The following KMT5B variants were observed in gnomAD, a reference collection of about 807,000 sequenced individuals.
KMT5B encodes the protein lysine methyltransferase 5B, also known as histone-lysine N-methyltransferase KMT5B.
Under a neutral mutation model 83.2 loss-of-function variants are expected in KMT5B, and 10 were observed. That is an observed-to-expected ratio of 0.12 (90% CI 0.07 to 0.20). KMT5B has a LOEUF of 0.20. KMT5B is among the 10% of genes least tolerant of loss of function. The pLI, the probability that KMT5B is intolerant of heterozygous loss-of-function variation, is 1.00. For missense variants in KMT5B, 753 were observed against 1,067.2 expected (o/e 0.71, Z 4.10); for synonymous variants, 349 against 388.8 (o/e 0.90, Z 1.20).
rs927570046 is a variant in KMT5B, at chr11:68,154,989, T to C, written c.*2699A>G. The C allele has an allele frequency of 3.9e-5, 6 of 152,234 alleles. No individual in the cohort carries two copies. The highest frequency in any genetic ancestry group is 7.3e-5 in the Non-Finnish European group (5 of 68,040). 9.4% of individuals were successfully genotyped at this position (152,234 alleles called of 1,614,324 possible). On this transcript the variant is annotated 3_prime_UTR_variant, in exon 11 of 11. Coordinates refer to ENST00000304363, the MANE Select transcript of KMT5B (RefSeq NM_017635.5). Reference sequence around the variant, plus strand: ...TACCTCAAATGCTGAAAAAGTCCTTTTTCATTCTTTCAGTACAAGGAATAC... The same window carrying C: ...TACCTCAAATGCTGAAAAAGTCCTTCTTCATTCTTTCAGTACAAGGAATAC...
intron 9 of KMT5B, among the ~76,000 whole-genome samples, chr11:68,170,502 A>G (rs1855740356): frequency 6.6e-6 from 1 of 152,188 alleles, no homozygotes; most frequent in Non-Finnish European, 1.5e-5. Context: ...GGTCCTGCCA[A>G]TGAAGATCTG....
intron 3 of KMT5B, 51 bp from the exon 4 acceptor site, chr11:68,180,251 C>T (rs375226211): frequency 9.8e-5 from 150 of 1,527,078 alleles, no homozygotes; most frequent in Non-Finnish European, 1.2e-4. Context: ...TTTGTATAAT[C>T]TGTACTTGTA....
At chr11:68,185,256 A>G (rs1377739776) in intron 3 of KMT5B, among the ~76,000 whole-genome samples, 1 of 152,028 alleles carries the variant, frequency 6.6e-6, no homozygotes, top group Non-Finnish European at 1.5e-5. Flanking sequence ...CCCAGACTGG[A>G]GTGCAATGGC....
intron 1 of KMT5B, among the ~76,000 whole-genome samples, chr11:68,191,992 G>C (rs927852897): frequency 6.6e-6 from 1 of 152,080 alleles, no homozygotes; most frequent in Non-Finnish European, 1.5e-5. Flanking sequence ...TATATGTTTA[G>C]ATAACAAATA....
chr11:68,171,498 AG>A lies in KMT5B; in HGVS notation c.820+44del, dbSNP rs765967544. On this transcript the variant is annotated intron_variant, in intron 7 of 10. Transcript: ENST00000304363. The surrounding 1 kb of genome is among the most constrained non-coding windows in gnomAD (Gnocchi z 5.1). ...TGACAAGGCCATTCTAGCAGTTAGCAGGAATGGCCAACACTAGCGCCAACAC... is the reference window on the plus strand; with the variant it reads ...TGACAAGGCCATTCTAGCAGTTAGCAGAATGGCCAACACTAGCGCCAACAC... The A allele has an allele frequency of 5.2e-5, 82 of 1,579,588 alleles. No homozygotes were observed. Among genetic ancestry groups the A allele is most frequent in the Non-Finnish European group, 7.1e-5 (82 of 1,158,152 alleles).
At chr11:68,175,230 C>A (rs779902824) in intron 4 of KMT5B, 47 bp from the exon 5 acceptor site, 3 of 1,476,156 alleles carry the variant, frequency 2.0e-6, no homozygotes, top group Non-Finnish European at 9.4e-7. Context: ...ACAATCCTTG[C>A]GCCACTGATC....
chr11:68,169,769 T>C (rs1436349700), intron 9 of KMT5B, among the ~76,000 whole-genome samples: 1 of 152,250 alleles, frequency 6.6e-6, no homozygotes, highest in Non-Finnish European at 1.5e-5. Context: ...TACTGTTTCC[T>C]CTACAAAATG....
intron 6 of KMT5B, among the ~76,000 whole-genome samples, chr11:68,173,383 T>C (rs1433059765): frequency 6.6e-6 from 1 of 152,220 alleles, no homozygotes; most frequent in Admixed American, 6.5e-5. Context: ...TACATATATA[T>C]ATATCTGTAT....
At chr11:68,204,990 TA>T (rs1859908642) in intron 1 of KMT5B, among the ~76,000 whole-genome samples, 1 of 152,096 alleles carries the variant, frequency 6.6e-6, no homozygotes, top group South Asian at 2.1e-4. Flanking sequence ...TATGAAAAAC[TA>T]AACCAAAGTA....
At chr11:68,191,339 C>T (rs1342575748) in intron 1 of KMT5B, among the ~76,000 whole-genome samples, 1 of 150,208 alleles carries the variant, frequency 6.7e-6, no homozygotes, top group East Asian at 2.0e-4. Context: ...AAAGAATATA[C>T]ATTCATTTAT....
intron 9 of KMT5B, 117 bp downstream of exon 9, chr11:68,170,898 A>G: frequency 3.5e-6 from 4 of 1,139,942 alleles, no homozygotes; most frequent in Non-Finnish European, 4.9e-6. Flanking sequence ...CCGCTATGCT[A>G]AAGAACATAA....
chr11:68,202,314 T>C (rs899048391), intron 1 of KMT5B, among the ~76,000 whole-genome samples: 4 of 152,250 alleles, frequency 2.6e-5, no homozygotes, highest in Middle Eastern at 3.4e-3. Flanking sequence ...TAAAGATACT[T>C]ACACAAAGGA....
rs1859295415 is a variant in KMT5B at position 68,156,375 on chromosome 11, C to T, written c.*1313G>A. The stretch of plus-strand genomic sequence containing the variant: ...AACATAAAGTAGTAATAAAAATTTG[C>T]TCATTAAGTTAATTAAAATTAATTT... On this transcript the variant is annotated 3_prime_UTR_variant, in exon 11 of 11. Coordinates refer to ENST00000304363, the MANE Select transcript of KMT5B (RefSeq NM_017635.5). The T allele has an allele frequency of 6.6e-6, 1 of 152,430 alleles. No homozygotes were observed. The highest frequency in any genetic ancestry group is 2.4e-5 in the African/African-American group (1 of 41,364). The allele number at this position is 152,430 out of a possible 1,614,324, so 9.4% of individuals were successfully genotyped here.
chr11:68,164,548 A>C (rs1399940072), intron 10 of KMT5B: 3 of 443,088 alleles, frequency 6.8e-6, no homozygotes, highest in Non-Finnish European at 1.4e-5. Flanking sequence ...TGTGAACATG[A>C]CTTAACATAC....
intron 1 of KMT5B, among the ~76,000 whole-genome samples, chr11:68,209,293 C>T (rs559663093): frequency 2.1e-4 from 32 of 152,294 alleles, no homozygotes; most frequent in African/African-American, 7.7e-4. Flanking sequence ...AGCTGCCAGG[C>T]ACTGTTCGTG....
chr11:68,178,984 T>C (rs1265032641), intron 4 of KMT5B, among the ~76,000 whole-genome samples: 1 of 152,126 alleles, frequency 6.6e-6, no homozygotes, highest in Admixed American at 6.6e-5. Flanking sequence ...CAAGGCTGAG[T>C]AGATTGCCAA....
At chr11:68,163,087 G>C (rs1157885852) in intron 10 of KMT5B, among the ~76,000 whole-genome samples, 1 of 152,210 alleles carries the variant, frequency 6.6e-6, no homozygotes, top group East Asian at 1.9e-4. Flanking sequence ...AGTGGGGTCA[G>C]ATGCACCTGT....
chr11:68,166,805 G>A, intron 10 of KMT5B, 177 bp downstream of exon 10: 2 of 1,430,200 alleles, frequency 1.4e-6, no homozygotes, highest in East Asian at 2.5e-5. Flanking sequence ...AGTTAGAGAT[G>A]GGATACAGAC....
intron 9 of KMT5B, among the ~76,000 whole-genome samples, chr11:68,169,105 A>G (rs1018921487): frequency 3.3e-5 from 5 of 152,330 alleles, no homozygotes; most frequent in African/African-American, 1.2e-4. Context: ...ATTCTCCATC[A>G]TGCTGTTCCA....
Sources: gnomAD v4.1 joint callset for allele counts (sites outside exome capture counted in the v4.1 genomes callset) on GRCh38, gnomAD v4.1.1 for gene constraint, Gnocchi (gnomAD v3.1) non-coding constraint, MANE v1.5 for transcripts, NCBI Gene and HGNC (gene_info 2026-07-23, HGNC 2026-07-21) for gene names.